CABCOCO1: variants seen among roughly 807,000 people sequenced by gnomAD.
The protein encoded by CABCOCO1 is ciliary-associated calcium-binding coiled-coil protein 1.
Under a neutral mutation model 35.7 loss-of-function variants are expected in CABCOCO1, and 28 were observed. The observed-to-expected ratio is 0.78, with a 90% confidence interval of 0.58 to 1.07. The LOEUF is 1.07. Ranked by LOEUF, CABCOCO1 falls within the 50% of genes least tolerant of loss-of-function variation. CABCOCO1 has a pLI of 0.00. For missense variants in CABCOCO1, 326 were observed against 309.2 expected, an observed-to-expected ratio of 1.05 and a Z score of -0.41; for synonymous variants, 95 against 100.1, an observed-to-expected ratio of 0.95 and a Z score of 0.30.
At chr10:61,666,604 T>A (rs1367868917) in intron 1 of CABCOCO1, among the ~76,000 whole-genome samples, 3 of 152,170 alleles carry the variant, frequency 2.0e-5, no homozygotes, top group Non-Finnish European at 4.4e-5. Context: ...CTCCCTTCTG[T>A]CTTCCTCCCT....
chr10:61,731,943 T>C (rs1467273308), intron 5 of CABCOCO1, among the ~76,000 whole-genome samples: 2 of 152,154 alleles, frequency 1.3e-5, no homozygotes, highest in African/African-American at 2.4e-5. Context: ...ACAATTTACC[T>C]GTTCTAAAAT....
At chr10:61,710,629 A>G (rs545368804) in intron 5 of CABCOCO1, among the ~76,000 whole-genome samples, 4 of 152,064 alleles carry the variant, frequency 2.6e-5, no homozygotes, top group African/African-American at 9.6e-5. Flanking sequence ...TCAAGAATAC[A>G]TAGAAAAGTG....
intron 5 of CABCOCO1, among the ~76,000 whole-genome samples, chr10:61,732,609 G>C (rs1397982582): frequency 6.6e-6 from 1 of 151,974 alleles, no homozygotes; most frequent in African/African-American, 2.4e-5. Context: ...AAATAGATTT[G>C]CTATGTAAAC....
At chr10:61,725,848 A>G (rs538178975) in intron 5 of CABCOCO1, among the ~76,000 whole-genome samples, 1 of 152,336 alleles carries the variant, frequency 6.6e-6, no homozygotes, top group East Asian at 1.9e-4. Context: ...GAAGTGAGTC[A>G]TGAAACACTA....
At position 61,672,737 on chromosome 10, in the gene CABCOCO1, T is replaced by A. The variant is rs887914502; in HGVS notation, c.164+2T>A. 2 of 985,160 alleles carry A rather than the reference T, an allele frequency of 2.0e-6. No individual in the cohort carries two copies. The highest frequency in any genetic ancestry group is 2.3e-4 in the East Asian group (2 of 8,818). The allele number at this position is 985,160 out of a possible 1,614,324, so 61.0% of individuals were successfully genotyped here. Reference sequence around the variant, plus strand: ...GGAGGACATCGATGGAGTTCAAGAGTAAGCACTTCACTATTACAATCACAT... The same window carrying A: ...GGAGGACATCGATGGAGTTCAAGAGAAAGCACTTCACTATTACAATCACAT... On this transcript the variant is annotated splice_donor_variant, in intron 2 of 7. Transcript: ENST00000648843. LOFTEE classifies it high-confidence loss of function.
chr10:61,670,711 T>G (rs1236324298), intron 1 of CABCOCO1, among the ~76,000 whole-genome samples: 1 of 152,100 alleles, frequency 6.6e-6, no homozygotes, highest in Non-Finnish European at 1.5e-5. Context: ...TTGCCCTCTT[T>G]CCCCACAAAG....
At chr10:61,758,199 A>G (rs1231999573) in intron 5 of CABCOCO1, among the ~76,000 whole-genome samples, 2 of 152,056 alleles carry the variant, frequency 1.3e-5, no homozygotes, top group Non-Finnish European at 2.9e-5. Flanking sequence ...TGTATATTAA[A>G]GTCTATACCA....
intron 5 of CABCOCO1, among the ~76,000 whole-genome samples, chr10:61,746,814 A>C (rs1841672657): frequency 6.6e-6 from 1 of 152,180 alleles, no homozygotes; most frequent in South Asian, 2.1e-4. Flanking sequence ...ATAGGAAATG[A>C]ATTTAAATAG....
chr10:61,712,876 G>C (rs111830174), intron 5 of CABCOCO1, among the ~76,000 whole-genome samples: 15,688 of 152,108 alleles, frequency 0.1, 956 homozygotes, highest in Middle Eastern at 0.17. Flanking sequence ...CTCTGTTTTC[G>C]TACCAGTACC....
chr10:61,744,483 C>T (rs75341412), intron 5 of CABCOCO1, among the ~76,000 whole-genome samples: 1,795 of 152,184 alleles, frequency 0.012, 14 homozygotes, highest in Non-Finnish European at 0.021. Context: ...AGCAAATGAA[C>T]AAACATAGCA....
At chr10:61,681,512 T>TA (rs2131977783) in intron 3 of CABCOCO1, among the ~76,000 whole-genome samples, 200 bp downstream of exon 3, 1 of 152,248 alleles carries the variant, frequency 6.6e-6, no homozygotes, top group African/African-American at 2.4e-5. Flanking sequence ...ACAGTTTTCA[T>TA]AATAGCCAAT....
At chr10:61,694,627 T>C (rs1469124392) in intron 5 of CABCOCO1, among the ~76,000 whole-genome samples, 2 of 151,940 alleles carry the variant, frequency 1.3e-5, no homozygotes, top group East Asian at 1.9e-4. Flanking sequence ...TTGGACAAGA[T>C]TTTTTTAAGA....
chr10:61,704,894 G>A (rs545230389), intron 5 of CABCOCO1, among the ~76,000 whole-genome samples: 1 of 145,244 alleles, frequency 6.9e-6, no homozygotes, highest in African/African-American at 2.6e-5. Flanking sequence ...TTCAATCTCA[G>A]AAAAGCCCCC....
Position 61,680,703 on chromosome 10 carries a change from T to TCAGAATA in CABCOCO1, c.165-440_165-439insCAGAATA, listed in dbSNP as rs1564532879. ...GTTATACATGTATAACATATATATG[T>TCAGAATA]TATACATGTATAACATATATATTAT... is the stretch of plus-strand genomic sequence containing the variant. On this transcript the variant is annotated intron_variant, in intron 2 of 7. Coordinates refer to ENST00000648843, the MANE Select transcript of CABCOCO1 (RefSeq NM_001366906.2). 1.5e-4 allele frequency among the ~76,000 whole-genome samples: 13 copies of TCAGAATA among 87,276 alleles called. 1 individual carries two copies. The highest frequency in any genetic ancestry group is 2.2e-4 in the Non-Finnish European group (10 of 46,120). The allele number at this position is 87,276 out of a possible 152,430, so 57.3% of individuals were successfully genotyped here.
intron 3 of CABCOCO1, among the ~76,000 whole-genome samples, chr10:61,682,526 C>G (rs1333197523): frequency 1.3e-5 from 2 of 152,018 alleles, no homozygotes; most frequent in African/African-American, 4.8e-5. Flanking sequence ...TAGATGGATC[C>G]CCCTGGTGTA....
At chr10:61,680,735 A>AATATATATATATATAATATAT (rs1233875928) in intron 2 of CABCOCO1, among the ~76,000 whole-genome samples, 2 of 64,796 alleles carry the variant, frequency 3.1e-5, no homozygotes, top group Non-Finnish European at 6.7e-5. Context: ...TTATATATAT[A>AATATATATATATATAATATAT]ATATATATAT....
At chr10:61,725,084 G>A (rs929558158) in intron 5 of CABCOCO1, among the ~76,000 whole-genome samples, 6 of 151,986 alleles carry the variant, frequency 3.9e-5, no homozygotes, top group African/African-American at 1.5e-4. Flanking sequence ...TCTCTTATTG[G>A]CGATCATTAA....
intron 3 of CABCOCO1, among the ~76,000 whole-genome samples, chr10:61,685,569 C>A (rs1056971753): frequency 6.6e-6 from 1 of 151,994 alleles, no homozygotes; most frequent in Non-Finnish European, 1.5e-5. Flanking sequence ...GCAGGGTCAG[C>A]GCTATTCCTG....
At chr10:61,677,644 A>G (rs896009409) in intron 2 of CABCOCO1, among the ~76,000 whole-genome samples, 3 of 151,778 alleles carry the variant, frequency 2.0e-5, no homozygotes, top group Non-Finnish European at 2.9e-5. Flanking sequence ...TGCTGCACCC[A>G]TTAACTCATC....
Sources: allele counts gnomAD v4.1 joint callset (sites outside exome capture counted in the v4.1 genomes callset), GRCh38; gene constraint gnomAD v4.1.1; transcripts MANE v1.5; gene names NCBI Gene and HGNC (gene_info 2026-07-23, HGNC 2026-07-21).